SLC6A18: variants seen among roughly 807,000 people sequenced by gnomAD.
The protein encoded by SLC6A18 is solute carrier family 6 member 18, also known as inactive sodium-dependent neutral amino acid transporter B(0)AT3.
Under a neutral mutation model 62.9 loss-of-function variants are expected in SLC6A18, and 58 were observed. The ratio of observed to expected loss-of-function variants is 0.92; its 90% CI spans 0.75 to 1.15. The LOEUF (loss-of-function observed/expected upper bound fraction) is 1.15, where lower values mean the gene tolerates loss of function less well. SLC6A18 is among the 50% of genes most tolerant of loss of function. The pLI is 0.00. For missense variants in SLC6A18, 793 were observed against 836.6 expected (o/e 0.95, Z 0.64); for synonymous variants, 382 against 365.8 (o/e 1.04, Z -0.51).
Position 1,240,564 on chromosome 5 carries a change from C to G in SLC6A18, c.879C>G (p.Ala293=). 1 of 1,614,038 alleles carries G rather than the reference C, an allele frequency of 6.2e-7. No individual in the cohort carries two copies. Among genetic ancestry groups the G allele is most frequent in the Middle Eastern group, 1.6e-4 (1 of 6,062 alleles). The change falls in exon 7 of 12, where the codon GCC becomes GCG. Residue 293 remains alanine (A), a synonymous_variant. Coordinates refer to ENST00000324642, the MANE Select transcript of SLC6A18 (RefSeq NM_182632.3). The part of the protein sequence containing the change: ...NDCQKDAVVI[A]LVNRMTSLYA... ...GCCAGAAGGATGCGGTGGTCATCGC[C>G]CTGGTCAACAGGATGACCTCCCTGT...
At chr5:1,230,159 G>A (rs368376817) in intron 1 of SLC6A18, among the ~76,000 whole-genome samples, 8 of 148,100 alleles carry the variant, frequency 5.4e-5, no homozygotes, top group Middle Eastern at 3.6e-3. Flanking sequence ...CAGGCTGGTC[G>A]TGGGGGAGGG....
At chr5:1,236,785 G>C (rs1444402279) in intron 4 of SLC6A18, among the ~76,000 whole-genome samples, 2 of 148,018 alleles carry the variant, frequency 1.4e-5, no homozygotes, top group Non-Finnish European at 3.0e-5. Flanking sequence ...CAGGACGCCA[G>C]TGCCCCATGC....
chr5:1,235,255 C>G (rs928682163), intron 3 of SLC6A18, among the ~76,000 whole-genome samples: 3 of 152,204 alleles, frequency 2.0e-5, no homozygotes, highest in Non-Finnish European at 4.4e-5. Flanking sequence ...CAGCAGGGCT[C>G]GTAAACCTTC....
rs1470216231 is a variant in SLC6A18 at position 1,235,376 on chromosome 5, C to G, written c.440-105C>G. The G allele has an allele frequency of 3.4e-6, 4 of 1,165,600 alleles. No individual in the cohort carries two copies. The African/African-American group carries it at 6.2e-5, about 18-fold the overall frequency. The allele number at this position is 1,165,600 out of a possible 1,614,324, so 72.2% of individuals were successfully genotyped here. A position where few individuals can be genotyped will look rare whatever the true frequency, so the allele number is the denominator to read the frequency against. On this transcript the variant is annotated intron_variant, in intron 3 of 11. Coordinates refer to ENST00000324642, the MANE Select transcript of SLC6A18 (RefSeq NM_182632.3). ...AAAGAAGTGAAAGGGCACCTCAGCC[C>G]AAAAGGGCAGTGTTGTGAGCAGCCC...
At chr5:1,233,840 C>G (rs1445810590) in intron 3 of SLC6A18, among the ~76,000 whole-genome samples, 1 of 151,628 alleles carries the variant, frequency 6.6e-6, no homozygotes, top group Admixed American at 6.6e-5. Context: ...CTCCCAGGTT[C>G]ACGCCATTCT....
intron 2 of SLC6A18, 93 bp downstream of exon 2, chr5:1,232,452 G>A: frequency 6.7e-7 from 1 of 1,493,470 alleles, no homozygotes; most frequent in South Asian, 1.3e-5. Flanking sequence ...CATGCCTGTG[G>A]TACGGAAGCG....
In SLC6A18 at chr5:1,245,850, G is replaced by A. The variant is rs746985444; in HGVS notation, c.1659G>A (p.Glu553=). 2.2e-5 allele frequency: 35 copies of A among 1,606,572 alleles called. No homozygotes were observed. The highest frequency in any genetic ancestry group is 2.7e-5 in the Non-Finnish European group (32 of 1,177,870). Residue 553 remains glutamate, a splice_region_variant and synonymous_variant, in exon 12 of 12, where the codon GAG becomes GAA. Coordinates refer to ENST00000324642, the MANE Select transcript of SLC6A18 (RefSeq NM_182632.3). ...CTAATGAGGCTGTGGTCCCGCAGGA[G>A]CTGTTCCCCTCGCGTCAGGAGAAGC... ...LRYKAWNPKY[E]LFPSRQEKLY... is the part of the protein sequence containing the mutation.
At chr5:1,240,712 C>A in intron 7 of SLC6A18, 53 bp downstream of exon 7, 1 of 1,603,216 alleles carries the variant, frequency 6.2e-7, no homozygotes, top group Non-Finnish European at 8.5e-7. Context: ...CAGACAGGTG[C>A]CTGCCGCACC....
At chr5:1,237,240 C>CAAAAGAAAAAAAA (rs1746907106) in intron 4 of SLC6A18, among the ~76,000 whole-genome samples, 1 of 76,482 alleles carries the variant, frequency 1.3e-5, no homozygotes, top group African/African-American at 5.4e-5. Flanking sequence ...GACTCTGTCT[C>CAAAAGAAAAAAAA]AAAAAAAAAA....
In SLC6A18 at chr5:1,233,835, A is replaced by G. The variant is rs187551719; in HGVS notation, c.439+947A>G. 6.3e-3 allele frequency among the ~76,000 whole-genome samples: 957 copies of G among 151,138 alleles called. 12 individuals are homozygous for G. The highest frequency in any genetic ancestry group is 0.014 in the African/African-American group (569 of 41,166). On this transcript the variant is annotated intron_variant, in intron 3 of 11. Transcript: ENST00000324642. ...TGGCTCACTGCAAGCTCTGCCTCCC[A>G]GGTTCACGCCATTCTCCTGCCTCAG...
chr5:1,230,330 C>T (rs902324547), intron 1 of SLC6A18, among the ~76,000 whole-genome samples: 3 of 152,154 alleles, frequency 2.0e-5, no homozygotes, highest in Non-Finnish European at 4.4e-5. Context: ...CCATGAGCTC[C>T]CTGGGGTGCC....
chr5:1,246,140 GGGGCCCCGCCC>G lies in SLC6A18; in HGVS notation c.*63_*73del. 1 of 1,403,446 alleles carries G rather than the reference GGGGCCCCGCCC, an allele frequency of 7.1e-7. No homozygotes were observed. The allele number at this position is 1,403,446 out of a possible 1,614,324, so 86.9% of individuals were successfully genotyped here. A position where few individuals can be genotyped will look rare whatever the true frequency, so the allele number is the denominator to read the frequency against. Reference sequence around the variant, plus strand: ...GGGGGGGCTTGGCCTGATGGTGGGCGGGGCCCCGCCCACAGGGCCGACCCCAATACACCAGC... The same window carrying G: ...GGGGGGGCTTGGCCTGATGGTGGGCGACAGGGCCGACCCCAATACACCAGC... On this transcript the variant is annotated 3_prime_UTR_variant, in exon 12 of 12. Coordinates refer to ENST00000324642, the MANE Select transcript of SLC6A18 (RefSeq NM_182632.3).
intron 6 of SLC6A18, 23 bp downstream of exon 6, chr5:1,239,585 C>A: frequency 6.3e-7 from 1 of 1,578,636 alleles, no homozygotes; most frequent in Non-Finnish European, 8.7e-7. Flanking sequence ...GCTCAGCTGT[C>A]CAGCCAGGGA....
At chr5:1,226,717 G>C (rs1166659098) in intron 1 of SLC6A18, among the ~76,000 whole-genome samples, 1 of 152,158 alleles carries the variant, frequency 6.6e-6, no homozygotes, top group African/African-American at 2.4e-5. Flanking sequence ...TTCTCATCAT[G>C]AGAGTCCCTT....
chr5:1,245,007 G>T (rs1381410730), intron 11 of SLC6A18, among the ~76,000 whole-genome samples: 5 of 152,178 alleles, frequency 3.3e-5, no homozygotes, highest in African/African-American at 9.7e-5. Context: ...ATGGGCAAGC[G>T]CCTGGTCAGT....
At chr5:1,233,749 A>ATTTTT (rs70957337) in intron 3 of SLC6A18, among the ~76,000 whole-genome samples, 2 of 138,634 alleles carry the variant, frequency 1.4e-5, no homozygotes, top group Admixed American at 7.2e-5. Flanking sequence ...CACTCAGCTA[A>ATTTTT]TTTTTTTTTT....
At position 1,241,383 on chromosome 5, in the gene SLC6A18, A is replaced by G. The variant is rs756318353; in HGVS notation, c.974+724A>G. 2.5e-4 allele frequency among the ~76,000 whole-genome samples: 38 copies of G among 152,290 alleles called. No individual in the cohort carries two copies. Among genetic ancestry groups the G allele is most frequent in the Non-Finnish European group, 4.9e-4 (33 of 68,010 alleles). On this transcript the variant is annotated intron_variant, in intron 7 of 11. Transcript: ENST00000324642. The surrounding 1 kb of genome is among the most constrained non-coding windows in gnomAD (Gnocchi z 7.8). ...TATATGGAGACATTTTTGATTGGCC[A>G]CACTTGTGTGAGGGGTGTGCCTGGC...
chr5:1,233,556 C>T (rs565660966), intron 3 of SLC6A18, among the ~76,000 whole-genome samples: 10 of 151,074 alleles, frequency 6.6e-5, no homozygotes, highest in South Asian at 6.3e-4. Context: ...GGGAGATCCT[C>T]GAGACATGAA....
intron 7 of SLC6A18, 40 bp downstream of exon 7, chr5:1,240,699 C>T (rs745414106): frequency 2.2e-5 from 35 of 1,608,312 alleles, no homozygotes; most frequent in Middle Eastern, 1.6e-4. Flanking sequence ...GGGGCACAGC[C>T]GCCAGACAGG....
Sources: gnomAD v4.1 joint callset for allele counts (sites outside exome capture counted in the v4.1 genomes callset) on GRCh38, gnomAD v4.1.1 for gene constraint, Gnocchi (gnomAD v3.1) non-coding constraint, MANE v1.5 for transcripts, NCBI Gene and HGNC (gene_info 2026-07-23, HGNC 2026-07-21) for gene names.